Variants in PLXND1 observed in about 807,000 individuals in gnomAD.
PLXND1 encodes plexin D1, also known as plexin-D1.
PLXND1 carries 54 observed loss-of-function variants against 197.7 expected under a neutral mutation model. The observed-to-expected ratio is 0.27, with a 90% CI of 0.22 to 0.34. The LOEUF is 0.34. PLXND1 is among the 10% of genes least tolerant of loss of function. PLXND1 has a pLI of 1.00. For synonymous variants in PLXND1, 1,180 were observed against 1,161.2 expected, an observed-to-expected ratio of 1.02 and a Z score of -0.33; for missense variants, 2,127 against 2,699.2, an observed-to-expected ratio of 0.79 and a Z score of 4.70.
At chr3:129,593,281 G>A (rs1259212145) in intron 1 of PLXND1, among the ~76,000 whole-genome samples, 10 of 152,072 alleles carry the variant, frequency 6.6e-5, no homozygotes, top group Non-Finnish European at 1.3e-4. Flanking sequence ...TGCCCCACCC[G>A]CTGCGCCCAC....
chr3:129,606,470 G>A lies in PLXND1; in HGVS notation c.170C>T (p.Thr57Met). The change falls in exon 1 of 36, where the codon ACG becomes ATG. Residue 57 changes from threonine to methionine, a missense_variant. By Grantham distance (81) the Thr-to-Met change is moderately conservative (BLOSUM62 -1). Transcript: ENST00000324093. ...GTCCAGGGCGAAGTTGTTGGTGGGC[G>A]TGGGCGAGGGGAACCGACGCTGGAT... ...LEIQRRFPSPTPTNNFALDGA... is the reference protein window; with the variant it reads ...LEIQRRFPSPMPTNNFALDGA... 7.0e-7 allele frequency: 1 copy of A among 1,437,374 alleles called. No individual in the cohort carries two copies. The highest frequency in any genetic ancestry group is 9.1e-7 in the Non-Finnish European group (1 of 1,099,242). The allele number at this position is 1,437,374 out of a possible 1,614,324, so 89.0% of individuals were successfully genotyped here.
At chr3:129,568,787 G>A (rs1055390253) in intron 20 of PLXND1, among the ~76,000 whole-genome samples, 9 of 152,180 alleles carry the variant, frequency 5.9e-5, no homozygotes, top group African/African-American at 1.2e-4. Context: ...GGGCTCAAGT[G>A]AGCCACCCAC....
At chr3:129,579,363 G>A (rs1196759248) in intron 8 of PLXND1, among the ~76,000 whole-genome samples, 3 of 152,136 alleles carry the variant, frequency 2.0e-5, no homozygotes, top group Non-Finnish European at 4.4e-5. Context: ...GGGATTCAAG[G>A]CCTGGTTGGG....
intron 22 of PLXND1, among the ~76,000 whole-genome samples, chr3:129,567,004 CA>C (rs1455835133): frequency 2.0e-5 from 3 of 151,960 alleles, no homozygotes; most frequent in African/African-American, 7.3e-5. Context: ...ATGGTGTGGA[CA>C]GGGGAGAGAG....
chr3:129,585,915 G>C (rs765018302), intron 5 of PLXND1, 37 bp downstream of exon 5: 5 of 1,612,446 alleles, frequency 3.1e-6, no homozygotes, highest in Non-Finnish European at 4.2e-6. Context: ...AGGCTCCCCT[G>C]TGTCCCGAGC....
At chr3:129,602,813 C>T (rs1369466921) in intron 1 of PLXND1, among the ~76,000 whole-genome samples, 1 of 152,148 alleles carries the variant, frequency 6.6e-6, no homozygotes, top group Non-Finnish European at 1.5e-5. Flanking sequence ...CACTGAGCTG[C>T]ATTTATCGAT....
chr3:129,571,442 GGTCA>G (rs2085226303), intron 17 of PLXND1, 63 bp downstream of exon 17: 1 of 1,535,500 alleles, frequency 6.5e-7, no homozygotes. Context: ...GAGGAGGCCT[GGTCA>G]GTTAGGGCCC....
chr3:129,569,577 T>C, intron 20 of PLXND1: 1 of 452,852 alleles, frequency 2.2e-6, no homozygotes, highest in South Asian at 2.8e-5. Flanking sequence ...CTGGAGAACA[T>C]GGTTCCAAAT....
rs754748712 is a variant in PLXND1, at chr3:129,575,493, G to A, written c.2506C>T (p.Leu836=). The A allele has an allele frequency of 2.6e-6, 4 of 1,554,362 alleles. No homozygotes were observed. The highest frequency in any genetic ancestry group is 3.5e-6 in the Non-Finnish European group (4 of 1,148,250). ...LQLKGRPARF[L]DSPEPMTVMV... Reference sequence around the variant, plus strand: ...CCTGTCATGGGCTCAGGGCTGTCCAGGAATCGGGCTGGCCGCCCCTTTAGT... The same window carrying A: ...CCTGTCATGGGCTCAGGGCTGTCCAAGAATCGGGCTGGCCGCCCCTTTAGT... The change falls in exon 11 of 36, where the codon CTG becomes TTG. Residue 836 remains leucine, a synonymous_variant. Transcript: ENST00000324093.
At chr3:129,575,908 C>T in intron 9 of PLXND1, 53 bp from the exon 10 acceptor site, 1 of 1,048,692 alleles carries the variant, frequency 9.5e-7, no homozygotes, top group Non-Finnish European at 1.5e-6. Flanking sequence ...AGCCAGCATG[C>T]ATTGCCCTCT....
rs1176387578 is a variant in PLXND1, at chr3:129,605,513, T to C, written c.1127A>G (p.Gln376Arg). 2.7e-6 allele frequency: 4 copies of C among 1,505,146 alleles called. No individual in the cohort carries two copies. The highest frequency in any genetic ancestry group is 3.5e-6 in the Non-Finnish European group (4 of 1,133,712). 93.2% of individuals were successfully genotyped at this position (1,505,146 alleles called of 1,614,324 possible). Residue 376 changes from glutamine to arginine, a missense_variant, in exon 1 of 36, where the codon CAG (glutamine) becomes CGG (arginine). Gln to Arg is a conservative substitution (Grantham distance 43). Coordinates refer to ENST00000324093, the MANE Select transcript of PLXND1 (RefSeq NM_015103.3). ...AGCAGCGCGGGCCGCGGGGGACCCC[T>C]GGGGCCGCTCGAAGACAGCAAAGAG... is the stretch of plus-strand genomic sequence containing the variant. The part of the protein sequence containing the change: ...ERLFAVFERP[Q>R]GSPAARAAPA...
At position 129,606,109 on chromosome 3, in the gene PLXND1, G is replaced by A. The variant is rs1211341744; in HGVS notation, c.531C>T (p.Pro177=). 1.3e-6 allele frequency: 2 copies of A among 1,542,092 alleles called. No individual in the cohort carries two copies. The highest frequency in any genetic ancestry group is 1.7e-6 in the Non-Finnish European group (2 of 1,150,798). ...GGTTGGCCGCCACGTTCAGCATGCTGGGGAACACCGTGACGGGCTCGGCGG... is the reference window on the plus strand; with the variant it reads ...GGTTGGCCGCCACGTTCAGCATGCTAGGGAACACCGTGACGGGCTCGGCGG... ...APPAEPVTVF[P]SMLNVAANHP... The change falls in exon 1 of 36, where the codon CCC becomes CCT. Residue 177 remains proline (P), a synonymous_variant. Coordinates refer to ENST00000324093, the MANE Select transcript of PLXND1 (RefSeq NM_015103.3).
chr3:129,561,579 G>C, intron 29 of PLXND1, 67 bp downstream of exon 29: 1 of 1,216,430 alleles, frequency 8.2e-7, no homozygotes. Context: ...CTTCCCCACT[G>C]GGGCATGGGA....
intron 19 of PLXND1, among the ~76,000 whole-genome samples, chr3:129,570,263 T>C (rs769664896): frequency 2.0e-5 from 3 of 151,968 alleles, no homozygotes; most frequent in Non-Finnish European, 2.9e-5. Flanking sequence ...CTGGCTGCTG[T>C]CCCCAAGTAT....
At chr3:129,591,614 G>A (rs996629867) in intron 1 of PLXND1, 5 of 152,188 alleles carry the variant, frequency 3.3e-5, no homozygotes, top group African/African-American at 7.2e-5. Context: ...AGTGTTAGCC[G>A]ATACTATTGT....
In PLXND1 at chr3:129,578,369, T is replaced by C. The variant is rs750111259; in HGVS notation, c.2306A>G (p.Gln769Arg). ...GTTGGCCAGAGGCACCAGGATGTTC[T>C]GGGAGCCACCCGTAGGCACGGGTGC... ...PLAPVPTGGS[Q>R]NILVPLANTA... is the part of the protein sequence containing the mutation. The change falls in exon 9 of 36, where the codon CAG becomes CGG. Residue 769 changes from glutamine (Q) to arginine (R), a missense_variant. This residue lies in a region of PLXND1 where 1,095 missense variants were observed against 1,259.8 expected (regional missense o/e 0.87). Transcript: ENST00000324093. 6 of 1,607,634 alleles carry C rather than the reference T, an allele frequency of 3.7e-6. No individual in the cohort carries two copies. Among genetic ancestry groups the C allele is most frequent in the South Asian group, 1.1e-5 (1 of 89,218 alleles).
chr3:129,571,391 C>T (rs970556722), intron 17 of PLXND1, 88 bp from the exon 18 acceptor site: 15 of 1,544,236 alleles, frequency 9.7e-6, no homozygotes, highest in African/African-American at 4.1e-5. Context: ...TTTGAGGAGA[C>T]ACAGAGGCAG....
intron 8 of PLXND1, among the ~76,000 whole-genome samples, chr3:129,580,493 C>A (rs1028251988): frequency 6.6e-6 from 1 of 152,120 alleles, no homozygotes; most frequent in Non-Finnish European, 1.5e-5. Flanking sequence ...CTGGCTGGGG[C>A]CCAGCCTCTG....
In PLXND1 at chr3:129,575,817, G is replaced by A. The variant is rs2085305904; in HGVS notation, c.2385C>T (p.Ile795=). 6.2e-7 allele frequency: 1 copy of A among 1,613,568 alleles called. No individual in the cohort carries two copies. The highest frequency in any genetic ancestry group is 8.5e-7 in the Non-Finnish European group (1 of 1,179,612). ...ACTCATTCACCCACACAGCCTCGAA[G>A]ATCTCCTCCAGCCCAAAACTACACT... ...ALECSFGLEE[I]FEAVWVNESV... Residue 795 remains isoleucine, a synonymous_variant, in exon 10 of 36, where the codon ATC becomes ATT. Transcript: ENST00000324093.
Sources: gnomAD v4.1 joint callset for allele counts (sites outside exome capture counted in the v4.1 genomes callset) on GRCh38, gnomAD v4.1.1 for gene constraint, gnomAD v4.1.1 regional missense constraint, MANE v1.5 for transcripts, NCBI Gene and HGNC (gene_info 2026-07-23, HGNC 2026-07-21) for gene names.